Variants in MGAT4C observed in about 807,000 individuals in gnomAD.
MGAT4C encodes alpha-1,3-mannosyl-glycoprotein 4-beta-N-acetylglucosaminyltransferase C.
MGAT4C carries 19 observed loss-of-function variants against 40.1 expected under a neutral mutation model. The observed-to-expected ratio is 0.47, with a 90% confidence interval of 0.33 to 0.70. The LOEUF is 0.70. Ranked by LOEUF, MGAT4C falls within the 30% of genes least tolerant of loss-of-function variation. MGAT4C has a pLI of 0.02. For synonymous variants in MGAT4C, 181 were observed against 187.1 expected (o/e 0.97, Z 0.27); for missense variants, 491 against 563.2 (o/e 0.87, Z 1.30).
chr12:86,780,467 G>C (rs1051222695), intron 1 of MGAT4C, among the ~76,000 whole-genome samples: 3 of 152,106 alleles, frequency 2.0e-5, no homozygotes, highest in Admixed American at 6.6e-5. Context: ...CTCCCTTGCT[G>C]TTCTCATGAT....
chr12:86,762,886 C>T (rs1335316602), intron 1 of MGAT4C, among the ~76,000 whole-genome samples: 1 of 152,094 alleles, frequency 6.6e-6, no homozygotes, highest in African/African-American at 2.4e-5. Flanking sequence ...AAATGAAAAG[C>T]AAATACAAGA....
chr12:85,995,171 T>C lies in MGAT4C; in HGVS notation c.-6-5619A>G, dbSNP rs576632261. ...GTGAAGAAACCAAATAGGTAAGCCC[T>C]GTGATTTTTCCTGCTTGCTGTCAAG... On this transcript the variant is annotated intron_variant, in intron 2 of 4. Transcript: ENST00000611864. Among the ~76,000 whole-genome samples the C allele has an allele frequency of 2.6e-5, 4 of 152,280 alleles. No individual in the cohort carries two copies. In the South Asian group the frequency reaches 8.3e-4, roughly 32 times the overall value.
intron 3 of MGAT4C, among the ~76,000 whole-genome samples, chr12:86,401,300 G>T (rs1259884248): frequency 2.0e-5 from 3 of 150,702 alleles, no homozygotes; most frequent in Non-Finnish European, 3.0e-5. Flanking sequence ...GTGTGTGTGT[G>T]TGTATATATA....
intron 3 of MGAT4C, among the ~76,000 whole-genome samples, chr12:86,399,368 G>A (rs950432274): frequency 1.0e-4 from 15 of 148,428 alleles, no homozygotes; most frequent in African/African-American, 2.2e-4. Context: ...AGCAACCTCC[G>A]CCTCCTGGGT....
intron 1 of MGAT4C, among the ~76,000 whole-genome samples, chr12:86,837,763 T>C (rs1355280269): frequency 6.6e-6 from 1 of 152,136 alleles, no homozygotes; most frequent in Non-Finnish European, 1.5e-5. Flanking sequence ...TATATGCTTC[T>C]TTTCTATTCT....
At position 85,961,916 on chromosome 12, in the gene MGAT4C, T is replaced by C. The variant is rs1347790894; in HGVS notation, c.*17373A>G. 2.0e-5 allele frequency: 3 copies of C among 151,852 alleles called. No individual in the cohort carries two copies. The highest frequency in any genetic ancestry group is 4.4e-5 in the Non-Finnish European group (3 of 67,764). The allele number at this position is 151,852 out of a possible 1,614,324, so 9.4% of individuals were successfully genotyped here. ...TGATGTAAGAGTTAATTACCCATTGTCAAAAATCATTGCCCATCAAAGCAG... is the reference window on the plus strand; with the variant it reads ...TGATGTAAGAGTTAATTACCCATTGCCAAAAATCATTGCCCATCAAAGCAG... On this transcript the variant is annotated 3_prime_UTR_variant, in exon 5 of 5. Coordinates refer to ENST00000611864, the MANE Select transcript of MGAT4C (RefSeq NM_001351288.2).
chr12:86,418,482 C>A (rs938713313), intron 3 of MGAT4C, among the ~76,000 whole-genome samples: 8 of 152,026 alleles, frequency 5.3e-5, no homozygotes, highest in African/African-American at 1.9e-4. Context: ...ATCTCAGCTA[C>A]TCAGGAGGCT....
At chr12:86,587,739 GCTCT>G (rs1419665208) in intron 2 of MGAT4C, among the ~76,000 whole-genome samples, 1 of 151,076 alleles carries the variant, frequency 6.6e-6, no homozygotes, top group Non-Finnish European at 1.5e-5. Flanking sequence ...TCATGATTTG[GCTCT>G]CTGTTTGTCT....
chr12:86,254,956 GT>G (rs1462053470), intron 1 of MGAT4C, among the ~76,000 whole-genome samples: 1 of 152,032 alleles, frequency 6.6e-6, no homozygotes, highest in Non-Finnish European at 1.5e-5. Flanking sequence ...GACACAGAGT[GT>G]GACATAGCTG....
chr12:86,399,757 A>G (rs1956323405), intron 3 of MGAT4C, among the ~76,000 whole-genome samples: 1 of 151,908 alleles, frequency 6.6e-6, no homozygotes, highest in South Asian at 2.1e-4. Flanking sequence ...TTGCACCCCA[A>G]CTCCACAGCA....
rs1365272069 is a variant in MGAT4C, at chr12:86,135,033, C to A, written c.-56-85310G>T. On this transcript the variant is annotated intron_variant, in intron 1 of 4. Coordinates refer to ENST00000611864, the MANE Select transcript of MGAT4C (RefSeq NM_001351288.2). ...TCAGGAACACACACAACCCCCAAAT[C>A]CAGAAAGTAAGCGTCTTATGAAATG... Among the ~76,000 whole-genome samples the A allele has an allele frequency of 2.6e-5, 4 of 152,088 alleles. No individual in the cohort carries two copies. The East Asian group carries it at 5.8e-4, about 22-fold the overall frequency.
chr12:85,983,483 A>G (rs371997614), intron 4 of MGAT4C, 40 bp downstream of exon 4: 23 of 1,453,602 alleles, frequency 1.6e-5, no homozygotes, highest in Non-Finnish European at 2.0e-5. Context: ...AATGCAAAAT[A>G]TTTTATGTAT....
At position 86,303,544 on chromosome 12, in the gene MGAT4C, T is replaced by C. The variant is rs994197971; in HGVS notation, c.-57+30521A>G. Among the ~76,000 whole-genome samples the C allele has an allele frequency of 4.7e-4, 57 of 120,484 alleles. 3 individuals are homozygous for C. The highest frequency in any genetic ancestry group is 1.6e-3 in the African/African-American group (50 of 31,406). 79.0% of individuals were successfully genotyped at this position (120,484 alleles called of 152,430 possible). On this transcript the variant is annotated intron_variant, in intron 4 of 7. Transcript: ENST00000548651. ...TTTATAGGTATAACTTGGAGAATGA[T>C]TGAAGGAAGACACTTAAAAAAAAAA...
Position 86,414,068 on chromosome 12 carries a change from G to GT in MGAT4C, c.-120+21088dup, listed in dbSNP as rs796421552. On this transcript the variant is annotated intron_variant, in intron 3 of 7. Transcript: ENST00000548651. The stretch of plus-strand genomic sequence containing the variant: ...TGCTCCAGAAAAATGCTTACAGCAA[G>GT]TTTTTTTTTTCTGCAAGTACATGAA... Among the ~76,000 whole-genome samples, 271 of 149,620 alleles carry GT rather than the reference G, an allele frequency of 1.8e-3. 1 individual carries two copies. Among genetic ancestry groups the GT allele is most frequent in the African/African-American group, 5.2e-3 (214 of 40,984 alleles).
At chr12:86,641,402 G>A (rs2136521071) in intron 2 of MGAT4C, among the ~76,000 whole-genome samples, 1 of 151,744 alleles carries the variant, frequency 6.6e-6, no homozygotes, top group African/African-American at 2.4e-5. Context: ...ATAGCTTTAG[G>A]AGATATACCT....
At chr12:86,674,566 A>G (rs1964344335) in intron 2 of MGAT4C, among the ~76,000 whole-genome samples, 1 of 152,032 alleles carries the variant, frequency 6.6e-6, no homozygotes, top group South Asian at 2.1e-4. Flanking sequence ...GTATGGTGTC[A>G]GGCACGTGTA....
In MGAT4C at chr12:86,061,895, C is replaced by A. The variant is rs527898846; in HGVS notation, c.-56-12172G>T. On this transcript the variant is annotated intron_variant, in intron 1 of 4. Transcript: ENST00000611864. ...TCAGTCAGGGACCTATAGATAAAAC[C>A]CCCACCTCCCTGGGACAGAGCACCT... Among the ~76,000 whole-genome samples, 5 of 152,264 alleles carry A rather than the reference C, an allele frequency of 3.3e-5. No individual in the cohort carries two copies. In the South Asian group the frequency reaches 1.0e-3, roughly 32 times the overall value.
chr12:86,119,853 T>G (rs1879084438), intron 1 of MGAT4C, among the ~76,000 whole-genome samples: 1 of 151,520 alleles, frequency 6.6e-6, no homozygotes, highest in Non-Finnish European at 1.5e-5. Flanking sequence ...CATGCCCCAC[T>G]GCATCTGGCT....
At chr12:86,172,624 T>A (rs1886970421) in intron 1 of MGAT4C, among the ~76,000 whole-genome samples, 2 of 152,230 alleles carry the variant, frequency 1.3e-5, no homozygotes, top group South Asian at 4.1e-4. Context: ...TAATTTATCA[T>A]TCATTTAACT....
Sources: allele counts gnomAD v4.1 joint callset (sites outside exome capture counted in the v4.1 genomes callset), GRCh38; gene constraint gnomAD v4.1.1; transcripts MANE v1.5; gene names NCBI Gene and HGNC (gene_info 2026-07-23, HGNC 2026-07-21).